Variants in SYT14 observed in about 807,000 individuals in gnomAD.
The protein encoded by SYT14 is synaptotagmin-14.
Under a neutral mutation model 74.2 loss-of-function variants are expected in SYT14, and 32 were observed. That is an observed-to-expected ratio of 0.43 (90% confidence interval 0.33 to 0.58). The LOEUF (loss-of-function observed/expected upper bound fraction) is 0.58. Among genes scored for constraint, SYT14 ranks in the 20% least tolerant of loss-of-function variants. SYT14 has a pLI of 0.05. For missense variants in SYT14, 791 were observed against 981.8 expected (o/e 0.81, Z 2.60); for synonymous variants, 298 against 337.7 (o/e 0.88, Z 1.29).
At chr1:209,953,796 G>A (rs928567131) in intron 2 of SYT14, among the ~76,000 whole-genome samples, 17 of 152,270 alleles carry the variant, frequency 1.1e-4, no homozygotes, top group African/African-American at 3.9e-4. Flanking sequence ...CTTTATTAAA[G>A]TATAGTTTTT....
intron 7 of SYT14, among the ~76,000 whole-genome samples, chr1:210,139,474 T>G (rs2082871415): frequency 6.6e-6 from 1 of 152,130 alleles, no homozygotes; most frequent in South Asian, 2.1e-4. Flanking sequence ...AGGGATCCTG[T>G]AAGTAATTTT....
chr1:210,095,668 TA>T (rs1304208312), intron 6 of SYT14, among the ~76,000 whole-genome samples: 3 of 152,240 alleles, frequency 2.0e-5, no homozygotes, highest in Non-Finnish European at 4.4e-5. Context: ...CTGCCAAAAT[TA>T]AATAATAGGT....
At chr1:210,056,832 C>CTAG (rs2081107582) in intron 5 of SYT14, among the ~76,000 whole-genome samples, 1 of 93,808 alleles carries the variant, frequency 1.1e-5, no homozygotes, top group African/African-American at 5.9e-5. Context: ...CCAGTTGTTA[C>CTAG]TATTATTATT....
chr1:210,001,904 G>C (rs752665428), intron 2 of SYT14, among the ~76,000 whole-genome samples: 4 of 152,142 alleles, frequency 2.6e-5, no homozygotes, highest in Non-Finnish European at 5.9e-5. Context: ...AGGAAATGAG[G>C]TCAGAGTAGT....
At chr1:209,995,739 A>G (rs227184) in intron 2 of SYT14, among the ~76,000 whole-genome samples, 87,021 of 151,952 alleles carry the variant, frequency 0.57, 27,166 homozygotes, top group African/African-American at 0.83. Context: ...CAGTCATAAA[A>G]CAAATCTCAG....
chr1:210,163,023 T>G, exon 10 of SYT14: 1 of 453,636 alleles, frequency 2.2e-6, no homozygotes, highest in African/African-American at 2.0e-5. Flanking sequence ...AAAAAAGACT[T>G]GAAGAGGGGA....
chr1:210,054,900 T>G (rs1558157175), intron 5 of SYT14, among the ~76,000 whole-genome samples: 1 of 152,204 alleles, frequency 6.6e-6, no homozygotes. Context: ...TATCCCTGTT[T>G]CCTCTTATGC....
At position 210,161,823 on chromosome 1, in the gene SYT14, ATTC is replaced by A. The variant is rs771746075; in HGVS notation, c.*784_*786del. ...ACTTTCTGTTGAAAGCACTTCCTGT[ATTC>A]TTGTATTCCAATGTAGGAAGCTAAT... On this transcript the variant is annotated 3_prime_UTR_variant, in exon 10 of 10. Coordinates refer to ENST00000637265, the Ensembl canonical transcript of SYT14. 191 of 453,646 alleles carry A rather than the reference ATTC, an allele frequency of 4.2e-4. 2 individuals are homozygous for A. The highest frequency in any genetic ancestry group is 2.5e-3 in the South Asian group (160 of 64,432). 28.1% of individuals were successfully genotyped at this position (453,646 alleles called of 1,614,324 possible). A position where few individuals can be genotyped will look rare whatever the true frequency, so the allele number is the denominator to read the frequency against.
At chr1:210,126,652 C>G (rs150995431) in intron 7 of SYT14, among the ~76,000 whole-genome samples, 226 of 152,258 alleles carry the variant, frequency 1.5e-3, no homozygotes, top group African/African-American at 5.1e-3. Flanking sequence ...GACAAAAATA[C>G]AACGTAAAGT....
chr1:210,072,748 G>A (rs919368059), intron 5 of SYT14, among the ~76,000 whole-genome samples: 1 of 151,880 alleles, frequency 6.6e-6, no homozygotes, highest in Non-Finnish European at 1.5e-5. Flanking sequence ...TTTACTTTCT[G>A]TCTAAATAAC....
At chr1:210,037,167 A>G (rs748427191) in intron 5 of SYT14, among the ~76,000 whole-genome samples, 3 of 151,982 alleles carry the variant, frequency 2.0e-5, no homozygotes, top group Non-Finnish European at 4.4e-5. Context: ...GGGAGATTGT[A>G]TGTTTCCAGG....
intron 2 of SYT14, among the ~76,000 whole-genome samples, chr1:209,963,535 T>C (rs1405763152): frequency 6.6e-6 from 1 of 152,202 alleles, no homozygotes; most frequent in Non-Finnish European, 1.5e-5. Context: ...TGTAAAAATA[T>C]GTATGGCTGG....
In SYT14 at chr1:210,074,852, A is replaced by G. The variant is rs533733673; in HGVS notation, c.1313-19470A>G. 1.1e-4 allele frequency among the ~76,000 whole-genome samples: 16 copies of G among 152,264 alleles called. No individual in the cohort carries two copies. In the South Asian group the frequency reaches 2.9e-3, roughly 28 times the overall value. On this transcript the variant is annotated intron_variant, in intron 5 of 9. Transcript: ENST00000637265. ...GTTTACAACTGAAGCCCCAGTGGGC[A>G]TGTGTTACAGGGTGCTCTTTTAGTT...
chr1:210,122,306 A>G (rs2082483880), intron 7 of SYT14, among the ~76,000 whole-genome samples: 1 of 152,142 alleles, frequency 6.6e-6, no homozygotes. Flanking sequence ...AATGCCCACA[A>G]CAAAGGTTTA....
At chr1:210,153,666 A>T (rs987888167) in intron 7 of SYT14, among the ~76,000 whole-genome samples, 1 of 152,196 alleles carries the variant, frequency 6.6e-6, no homozygotes, top group Non-Finnish European at 1.5e-5. Flanking sequence ...GTACATAATT[A>T]TGTAATCTGC....
At position 210,004,405 on chromosome 1, in the gene SYT14, A is replaced by G. The variant is rs542931372; in HGVS notation, c.-485-9228A>G. Among the ~76,000 whole-genome samples the G allele has an allele frequency of 7.2e-5, 11 of 152,040 alleles. No individual in the cohort carries two copies. In the South Asian group the frequency reaches 2.3e-3, roughly 31 times the overall value. On this transcript the variant is annotated intron_variant, in intron 2 of 9. Transcript: ENST00000637265. ...GGTATTAAGTAACACGGGTTTATAT[A>G]TCTCCCAAAATACCTAACTAAGATG...
intron 2 of SYT14, among the ~76,000 whole-genome samples, chr1:209,968,954 G>A (rs1041395752): frequency 1.3e-5 from 2 of 152,008 alleles, no homozygotes; most frequent in Admixed American, 1.3e-4. Context: ...ATGTCCCTAT[G>A]TACCCAGTGT....
chr1:209,952,666 C>A, intron 1 of SYT14, 43 bp from the exon 2 acceptor site: 2 of 1,507,692 alleles, frequency 1.3e-6, no homozygotes, highest in Non-Finnish European at 1.8e-6. Context: ...CAGATTCATG[C>A]TACTTTCTAT....
At chr1:210,020,994 A>AT (rs200275636) in intron 4 of SYT14, 45 bp from the exon 4 acceptor site, 299 of 1,543,892 alleles carry the variant, frequency 1.9e-4, no homozygotes, top group Non-Finnish European at 2.4e-4. Context: ...AGGGGAGGGA[A>AT]TTTTTTTTTC....
Sources: gnomAD v4.1 joint callset for allele counts (sites outside exome capture counted in the v4.1 genomes callset) on GRCh38, gnomAD v4.1.1 for gene constraint, MANE v1.5 for transcripts, NCBI Gene and HGNC (gene_info 2026-07-23, HGNC 2026-07-21) for gene names.